Variants in SULT1B1 observed in about 807,000 individuals in gnomAD.
SULT1B1 encodes the protein sulfotransferase family 1B member 1.
Under a neutral mutation model 34.6 loss-of-function variants are expected in SULT1B1, and 28 were observed. That is an observed-to-expected ratio of 0.81 (90% CI 0.60 to 1.11). The LOEUF (loss-of-function observed/expected upper bound fraction) is 1.11, where lower values mean the gene tolerates loss of function less well. SULT1B1 is among the 50% of genes least tolerant of loss of function. The probability of loss-of-function intolerance (pLI) is 0.00; values close to 1 mark genes in which losing one functional copy is unlikely to be tolerated. For missense variants in SULT1B1, 374 were observed against 352.2 expected (o/e 1.06, Z -0.50); for synonymous variants, 147 against 110.2 (o/e 1.33, Z -2.09).
chr4:69,744,283 C>A (rs1416076517), intron 4 of SULT1B1, among the ~76,000 whole-genome samples: 1 of 152,172 alleles, frequency 6.6e-6, no homozygotes, highest in Non-Finnish European at 1.5e-5. Context: ...TCTGTGTTTC[C>A]CCTCAGCGGA....
chr4:69,746,612 T>C (rs1476895315), intron 4 of SULT1B1, among the ~76,000 whole-genome samples: 1 of 152,226 alleles, frequency 6.6e-6, no homozygotes, highest in Non-Finnish European at 1.5e-5. Context: ...TCAGTTTTAC[T>C]GTATTCCTTG....
At chr4:69,738,955 C>G (rs1012642725) in intron 4 of SULT1B1, among the ~76,000 whole-genome samples, 2 of 152,108 alleles carry the variant, frequency 1.3e-5, no homozygotes, top group Non-Finnish European at 2.9e-5. Context: ...GTCAATAAAC[C>G]TTAAAGTTCC....
chr4:69,747,472 C>G (rs1234920536), intron 4 of SULT1B1, among the ~76,000 whole-genome samples: 1 of 152,156 alleles, frequency 6.6e-6, no homozygotes, highest in African/African-American at 2.4e-5. Context: ...CTAGTAGAAG[C>G]CAGCACAGAG....
chr4:69,744,018 G>T (rs1560526740), intron 4 of SULT1B1, among the ~76,000 whole-genome samples: 1 of 152,170 alleles, frequency 6.6e-6, no homozygotes, highest in Admixed American at 6.5e-5. Context: ...GCCATTACTT[G>T]CGCTGCTGTA....
chr4:69,745,047 C>A (rs1413316157), intron 4 of SULT1B1, among the ~76,000 whole-genome samples: 1 of 152,068 alleles, frequency 6.6e-6, no homozygotes, highest in Non-Finnish European at 1.5e-5. Flanking sequence ...TTTGATAGGG[C>A]TTTTTGGCAT....
intron 1 of SULT1B1, chr4:69,758,349 G>T (rs965935925): frequency 1.0e-6 from 1 of 985,338 alleles, no homozygotes; most frequent in Non-Finnish European, 1.2e-6. Context: ...TCTCAGTTTG[G>T]ATATAAAGGA....
chr4:69,756,186 A>G (rs1719183642), intron 1 of SULT1B1, among the ~76,000 whole-genome samples: 1 of 151,654 alleles, frequency 6.6e-6, no homozygotes, highest in African/African-American at 2.4e-5. Context: ...GGTTATAATG[A>G]TTTTTTTCTT....
At chr4:69,731,946 A>T (rs1342143046) in intron 6 of SULT1B1, among the ~76,000 whole-genome samples, 1 of 152,202 alleles carries the variant, frequency 6.6e-6, no homozygotes, top group Non-Finnish European at 1.5e-5. Context: ...TATGGAGAAA[A>T]GGGACTATTG....
At chr4:69,733,739 A>T (rs1255929634) in intron 5 of SULT1B1, among the ~76,000 whole-genome samples, 1 of 152,182 alleles carries the variant, frequency 6.6e-6, no homozygotes, top group Non-Finnish European at 1.5e-5. Context: ...ACCTCCAAAA[A>T]GTTATACTTA....
intron 1 of SULT1B1, 141 bp downstream of exon 1, chr4:69,760,318 G>A (rs1290199058): frequency 8.8e-6 from 5 of 570,732 alleles, no homozygotes; most frequent in Non-Finnish European, 1.1e-5. Context: ...AACAATGAAA[G>A]TTTCCTATAA....
chr4:69,744,614 C>T (rs1260975613), intron 4 of SULT1B1, among the ~76,000 whole-genome samples: 3 of 152,156 alleles, frequency 2.0e-5, no homozygotes, highest in African/African-American at 7.2e-5. Context: ...TGGATCTTCT[C>T]TCTTTTTTTC....
At chr4:69,751,744 G>C (rs1306884618) in intron 3 of SULT1B1, among the ~76,000 whole-genome samples, 1 of 152,126 alleles carries the variant, frequency 6.6e-6, no homozygotes, top group Non-Finnish European at 1.5e-5. Context: ...GAGCCACCGC[G>C]CCCGGCCTAG....
chr4:69,730,119 A>C (rs933571751), intron 7 of SULT1B1, among the ~76,000 whole-genome samples: 2 of 152,068 alleles, frequency 1.3e-5, no homozygotes, highest in Admixed American at 6.6e-5. Flanking sequence ...TTTAAAGACT[A>C]TGGTACTGTA....
chr4:69,753,185 C>G (rs1012907943), intron 3 of SULT1B1, among the ~76,000 whole-genome samples: 3 of 152,114 alleles, frequency 2.0e-5, no homozygotes, highest in African/African-American at 7.2e-5. Flanking sequence ...TATTAATAAC[C>G]CTACACCCAA....
chr4:69,735,339 C>T (rs1427438386), intron 4 of SULT1B1, among the ~76,000 whole-genome samples: 1 of 152,150 alleles, frequency 6.6e-6, no homozygotes, highest in African/African-American at 2.4e-5. Flanking sequence ...TCTAGAAAAA[C>T]CTGCTCTCCC....
At chr4:69,739,384 C>T (rs1202284604) in intron 4 of SULT1B1, among the ~76,000 whole-genome samples, 1 of 152,192 alleles carries the variant, frequency 6.6e-6, no homozygotes, top group Non-Finnish European at 1.5e-5. Context: ...TTCTTGACTT[C>T]AGTGCACCCA....
rs187631470 is a variant in SULT1B1 at position 69,723,941 on chromosome 4, A to G, written c.*3147T>C. 1 of 152,338 alleles carries G rather than the reference A, an allele frequency of 6.6e-6. No homozygotes were observed. Among genetic ancestry groups the G allele is most frequent in the East Asian group, 1.9e-4 (1 of 5,196 alleles). The allele number at this position is 152,338 out of a possible 1,614,324, so 9.4% of individuals were successfully genotyped here. A position where few individuals can be genotyped will look rare whatever the true frequency, so the allele number is the denominator to read the frequency against. Reference sequence around the variant, plus strand: ...TCATACTGCATGGGCAAAACCTGGAAGCATTCCCTTTGAAAACTGGCACAA... The same window carrying G: ...TCATACTGCATGGGCAAAACCTGGAGGCATTCCCTTTGAAAACTGGCACAA... On this transcript the variant is annotated 3_prime_UTR_variant, in exon 8 of 8. Transcript: ENST00000310613.
At chr4:69,749,358 A>C (rs75921547) in intron 4 of SULT1B1, among the ~76,000 whole-genome samples, 1 of 152,140 alleles carries the variant, frequency 6.6e-6, no homozygotes, top group African/African-American at 2.4e-5. Flanking sequence ...AATTTCCCCA[A>C]AAGCAGATAA....
chr4:69,742,718 A>T (rs1017621870), intron 4 of SULT1B1, among the ~76,000 whole-genome samples: 1 of 152,196 alleles, frequency 6.6e-6, no homozygotes, highest in Non-Finnish European at 1.5e-5. Context: ...TGCAGGCTGC[A>T]CTTGGCTCAT....
Sources: gnomAD v4.1 joint callset for allele counts (sites outside exome capture counted in the v4.1 genomes callset) on GRCh38, gnomAD v4.1.1 for gene constraint, MANE v1.5 for transcripts, NCBI Gene and HGNC (gene_info 2026-07-23, HGNC 2026-07-21) for gene names.